The following NEBL variants were observed in gnomAD, a reference collection of about 807,000 sequenced individuals.
NEBL encodes the protein LIM and SH3 protein 2.
In NEBL, 122 loss-of-function variants were observed where a neutral mutation model predicts 140.2. That is an observed-to-expected ratio of 0.87 (90% CI 0.75 to 1.01). The LOEUF is 1.01. Ranked by LOEUF, NEBL falls within the 50% of genes least tolerant of loss-of-function variation. NEBL has a pLI of 0.00. For missense variants in NEBL, 1,365 were observed against 1,231.3 expected (o/e 1.11, Z -1.62); for synonymous variants, 436 against 398.9 (o/e 1.09, Z -1.11).
rs115434180 is a variant in NEBL, at chr10:20,995,035, C to T, written c.249+25082G>A. ...AAAAGTAACTAAAAATGCTTACAAA[C>T]ACCTCTCCCAAAAGCCAACCACAGA... On this transcript the variant is annotated intron_variant, in intron 3 of 6. Coordinates refer to the NEBL transcript ENST00000417816. 6.4e-3 allele frequency among the ~76,000 whole-genome samples: 979 copies of T among 152,286 alleles called. 12 individuals are homozygous for T. Among genetic ancestry groups the T allele is most frequent in the African/African-American group, 0.023 (942 of 41,554 alleles).
chr10:20,831,623 T>C (rs1242121509), intron 14 of NEBL, 40 bp from the exon 15 acceptor site: 22 of 1,320,658 alleles, frequency 1.7e-5, no homozygotes, highest in Non-Finnish European at 2.4e-5. Context: ...TCTCCAATCA[T>C]TTGAGAAACT....
intron 4 of NEBL, among the ~76,000 whole-genome samples, chr10:20,881,716 C>T (rs1215449422): frequency 4.6e-5 from 7 of 151,978 alleles, no homozygotes; most frequent in Admixed American, 4.6e-4. Context: ...ATCCTCAGAA[C>T]CCAGAATAGT....
chr10:21,079,717 T>C lies in NEBL; in HGVS notation c.165-59516A>G, dbSNP rs562882693. On this transcript the variant is annotated intron_variant, in intron 2 of 6. Transcript: ENST00000417816. ...ACAGATTGAGCTGCATATTCCTTTA[T>C]TTATTTTTCCTCCTTTGAGATGGCC... 2.0e-5 allele frequency among the ~76,000 whole-genome samples: 3 copies of C among 152,312 alleles called. 1 individual carries two copies. The highest frequency in any genetic ancestry group is 3.9e-4 in the East Asian group (2 of 5,178).
intron 2 of NEBL, among the ~76,000 whole-genome samples, chr10:21,167,513 T>C (rs1310132749): frequency 6.6e-6 from 1 of 152,238 alleles, no homozygotes; most frequent in Admixed American, 6.5e-5. Flanking sequence ...CCAGACCTAA[T>C]ATAACTTGAC....
chr10:21,219,906 T>A (rs2132243934), intron 3 of NEBL, among the ~76,000 whole-genome samples: 1 of 150,994 alleles, frequency 6.6e-6, no homozygotes, highest in South Asian at 2.1e-4. Context: ...ATACAAATGC[T>A]ATTAATTTTT....
chr10:20,868,355 A>C (rs888577275), intron 7 of NEBL: 5 of 317,338 alleles, frequency 1.6e-5, no homozygotes, highest in Non-Finnish European at 3.0e-5. Flanking sequence ...TTAAAACACA[A>C]TTATTTAGTA....
At chr10:21,095,761 T>TA (rs1277708815) in intron 2 of NEBL, among the ~76,000 whole-genome samples, 1 of 152,216 alleles carries the variant, frequency 6.6e-6, no homozygotes, top group Non-Finnish European at 1.5e-5. Context: ...TGAGATGTAA[T>TA]ATATTCCCTT....
rs1026623656 is a variant in NEBL at position 20,909,246 on chromosome 10, A to ATTTT, written c.357+52422_357+52425dup. Among the ~76,000 whole-genome samples the ATTTT allele has an allele frequency of 1.1e-3, 161 of 141,564 alleles. 3 individuals carry two copies. In the East Asian group the frequency reaches 0.032, roughly 28 times the overall value. The allele number at this position is 141,564 out of a possible 152,430, so 92.9% of individuals were successfully genotyped here. ...TCAAATAGTAGGTTTCGTTCATTCTATTTTTTTTTTTTTTACCCTTTAACA... is the reference window on the plus strand; with the variant it reads ...TCAAATAGTAGGTTTCGTTCATTCTATTTTTTTTTTTTTTTTTTACCCTTTAACA... On this transcript the variant is annotated intron_variant, in intron 4 of 6. Coordinates refer to the NEBL transcript ENST00000417816.
chr10:20,817,809 T>C (rs1308462787), intron 20 of NEBL, 117 bp from the exon 21 acceptor site: 1 of 829,832 alleles, frequency 1.2e-6, no homozygotes, highest in Non-Finnish European at 2.1e-6. Flanking sequence ...CACAGTTGAT[T>C]ACATCAACCT....
chr10:21,110,163 T>G (rs1279162404), intron 2 of NEBL, among the ~76,000 whole-genome samples: 1 of 152,118 alleles, frequency 6.6e-6, no homozygotes, highest in East Asian at 1.9e-4. Flanking sequence ...AATTGCTTTG[T>G]CTAGCTTTGA....
rs1336707470 is a variant in NEBL at position 21,166,236 on chromosome 10, A to AG, written c.164+6146_164+6147insC. ...CTGTGTCTCAAAAAAAAAAAAAAAA[A>AG]AAAAAAAAAGAAAAGAAAAAAAAAT... On this transcript the variant is annotated intron_variant, in intron 2 of 6. Transcript: ENST00000417816. Among the ~76,000 whole-genome samples, 341 of 121,962 alleles carry AG rather than the reference A, an allele frequency of 2.8e-3. 6 individuals are homozygous for AG. The highest frequency in any genetic ancestry group is 0.015 in the African/African-American group (330 of 22,412). The allele number at this position is 121,962 out of a possible 152,430, so 80.0% of individuals were successfully genotyped here.
chr10:20,900,828 G>A (rs187148188), upstream of NEBL, among the ~76,000 whole-genome samples: 137 of 141,472 alleles, frequency 9.7e-4, 2 homozygotes, highest in East Asian at 0.017. Context: ...CTAGGTGACA[G>A]AGTGAGACTC....
intron 3 of NEBL, among the ~76,000 whole-genome samples, chr10:21,200,953 G>A (rs1841725749): frequency 6.6e-6 from 1 of 152,074 alleles, no homozygotes; most frequent in Admixed American, 6.6e-5. Context: ...ATCTGGATGT[G>A]GTGGCACAAA....
At chr10:20,791,742 T>C (rs1410146382) in intron 26 of NEBL, among the ~76,000 whole-genome samples, 2 of 151,976 alleles carry the variant, frequency 1.3e-5, no homozygotes, top group African/African-American at 2.4e-5. Context: ...AAAGAGGAAA[T>C]ATACGTAAAT....
chr10:20,847,501 T>C (rs374081573), intron 11 of NEBL, among the ~76,000 whole-genome samples: 5 of 152,126 alleles, frequency 3.3e-5, no homozygotes, highest in African/African-American at 1.2e-4. Flanking sequence ...AGTTTCTGGA[T>C]TTATCAGTGA....
intron 4 of NEBL, among the ~76,000 whole-genome samples, chr10:20,913,998 A>G (rs1269422132): frequency 6.6e-6 from 1 of 152,228 alleles, no homozygotes. Flanking sequence ...AGACATGTCA[A>G]TAAATTCACC....
At chr10:21,204,441 TTC>T (rs144254048) in intron 3 of NEBL, among the ~76,000 whole-genome samples, 23 of 150,430 alleles carry the variant, frequency 1.5e-4, no homozygotes, top group East Asian at 1.9e-4. Context: ...CTCTCTTTCT[TTC>T]TCTCTCTCTC....
intron 3 of NEBL, among the ~76,000 whole-genome samples, chr10:21,192,084 G>C (rs1021469998): frequency 6.6e-6 from 1 of 152,032 alleles, no homozygotes; most frequent in Admixed American, 6.5e-5. Context: ...ATCATTCCCA[G>C]GTTCTCAAAA....
chr10:21,028,251 A>AGAAGAAGAAGAAGAAG (rs1554819362), intron 2 of NEBL, among the ~76,000 whole-genome samples: 60 of 36,848 alleles, frequency 1.6e-3, no homozygotes, highest in East Asian at 0.01. Context: ...AAAAAAAAAA[A>AGAAGAAGAAGAAGAAG]AAAAAGAAGA....
Sources: gnomAD v4.1 joint callset for allele counts (sites outside exome capture counted in the v4.1 genomes callset) on GRCh38, gnomAD v4.1.1 for gene constraint, MANE v1.5 for transcripts, NCBI Gene and HGNC (gene_info 2026-07-23, HGNC 2026-07-21) for gene names.